Variants in ITGB3 observed in about 807,000 individuals in gnomAD.
ITGB3 encodes integrin beta-3.
A neutral mutation model predicts 85.8 loss-of-function variants in ITGB3; 48 were observed. The ratio of observed to expected loss-of-function variants is 0.56; its 90% confidence interval spans 0.44 to 0.71. ITGB3 has a LOEUF of 0.71. Ranked by LOEUF, ITGB3 falls within the 30% of genes least tolerant of loss-of-function variation. ITGB3 has a pLI of 0.00. For synonymous variants in ITGB3, 363 were observed against 395.6 expected (o/e 0.92, Z 0.98); for missense variants, 861 against 1,019.1 (o/e 0.84, Z 2.11).
At chr17:47,265,772 G>A (rs1035696198) in intron 1 of ITGB3, among the ~76,000 whole-genome samples, 6 of 152,116 alleles carry the variant, frequency 3.9e-5, no homozygotes, top group African/African-American at 9.7e-5. Flanking sequence ...GTTAAATACC[G>A]TACTTAACTG....
At chr17:47,288,370 T>C (rs1206743822) in intron 6 of ITGB3, among the ~76,000 whole-genome samples, 1 of 152,198 alleles carries the variant, frequency 6.6e-6, no homozygotes, top group Non-Finnish European at 1.5e-5. Context: ...AAACTTCTTA[T>C]AAGTTGTTTT....
At chr17:47,268,063 G>T (rs1238473160) in intron 1 of ITGB3, among the ~76,000 whole-genome samples, 1 of 152,106 alleles carries the variant, frequency 6.6e-6, no homozygotes, top group Non-Finnish European at 1.5e-5. Context: ...AGGGAGAAAA[G>T]CCCCTTATAA....
intron 1 of ITGB3, among the ~76,000 whole-genome samples, chr17:47,265,562 A>AT (rs1317473288): frequency 3.3e-5 from 5 of 152,076 alleles, no homozygotes; most frequent in Non-Finnish European, 5.9e-5. Flanking sequence ...TCCTCTTCTC[A>AT]TAAGGACATC....
rs531624254 is a variant in ITGB3, at chr17:47,287,719, G to A, written c.939+488G>A. Among the ~76,000 whole-genome samples, 7 of 152,148 alleles carry A rather than the reference G, an allele frequency of 4.6e-5. No homozygotes were observed. The South Asian group carries it at 1.2e-3, about 27-fold the overall frequency. ...AGTCCAGGAGTTTGAAACCAGCTTG[G>A]GAAATATAGTGAGACCCTGCCTCTA... is the stretch of plus-strand genomic sequence containing the variant. On this transcript the variant is annotated intron_variant, in intron 6 of 14. Coordinates refer to ENST00000559488, the MANE Select transcript of ITGB3 (RefSeq NM_000212.3).
At chr17:47,269,636 A>G (rs558407081) in intron 1 of ITGB3, among the ~76,000 whole-genome samples, 66 of 152,324 alleles carry the variant, frequency 4.3e-4, no homozygotes, top group African/African-American at 1.6e-3. Flanking sequence ...ACAAGTCTCT[A>G]GGAAGTTCCA....
intron 1 of ITGB3, among the ~76,000 whole-genome samples, chr17:47,272,991 T>G (rs2065051013): frequency 6.6e-6 from 1 of 152,068 alleles, no homozygotes; most frequent in Non-Finnish European, 1.5e-5. Context: ...GCCAGGCTGG[T>G]CTCAAACTCC....
chr17:47,299,254 A>G lies in ITGB3; in HGVS notation c.1691-54A>G. 1 of 1,523,128 alleles carries G rather than the reference A, an allele frequency of 6.6e-7. No homozygotes were observed. Among genetic ancestry groups the G allele is most frequent in the Non-Finnish European group, 9.1e-7 (1 of 1,103,702 alleles). The allele number at this position is 1,523,128 out of a possible 1,614,324, so 94.4% of individuals were successfully genotyped here. A position where few individuals can be genotyped will look rare whatever the true frequency, so the allele number is the denominator to read the frequency against. On this transcript the variant is annotated intron_variant, in intron 10 of 14. Transcript: ENST00000559488. This position sits in a 1 kb window ranked among gnomAD's most constrained non-coding sequence, Gnocchi z 5.1. The stretch of plus-strand genomic sequence containing the variant: ...GGATGGTCGTGTGTAGCCTGCTGCC[A>G]TGGGAGTGGAGCTCTCGCCAGCGGG...
intron 1 of ITGB3, among the ~76,000 whole-genome samples, chr17:47,263,003 T>TA (rs2065013664): frequency 6.6e-6 from 1 of 152,152 alleles, no homozygotes; most frequent in South Asian, 2.1e-4. Flanking sequence ...ACAGAGCAGT[T>TA]ATCACTTCTC....
intron 1 of ITGB3, among the ~76,000 whole-genome samples, chr17:47,256,928 G>T (rs1030528529): frequency 6.6e-6 from 1 of 152,124 alleles, no homozygotes; most frequent in Non-Finnish European, 1.5e-5. Context: ...TGTTGGCTTC[G>T]GAAAGGGAGG....
intron 2 of ITGB3, among the ~76,000 whole-genome samples, 159 bp from the exon 3 acceptor site, chr17:47,283,195 C>T (rs976713093): frequency 3.3e-5 from 5 of 152,020 alleles, no homozygotes; most frequent in African/African-American, 4.8e-5. Context: ...TTCTGTACAA[C>T]GGTCCTAAGG....
chr17:47,300,538 C>T lies in ITGB3; in HGVS notation c.1974C>T (p.Asn658=), dbSNP rs1418102941. 1 of 1,614,144 alleles carries T rather than the reference C, an allele frequency of 6.2e-7. No homozygotes were observed. The highest frequency in any genetic ancestry group is 8.5e-7 in the Non-Finnish European group (1 of 1,179,992). The stretch of plus-strand genomic sequence containing the variant: ...CCCTACATGACGAAAATACCTGCAA[C>T]CGTTACTGCCGTGACGAGATTGAGT... ...RGALHDENTC[N]RYCRDEIESV... Residue 658 remains asparagine, a synonymous_variant, in exon 12 of 15, where the codon AAC becomes AAT. Transcript: ENST00000559488.
At chr17:47,254,106 C>T (rs1482215294) in intron 1 of ITGB3, among the ~76,000 whole-genome samples, 166 bp downstream of exon 1, 2 of 152,168 alleles carry the variant, frequency 1.3e-5, no homozygotes, top group Non-Finnish European at 2.9e-5. Flanking sequence ...GGGGACCTTC[C>T]TGGCCCGGCG....
At chr17:47,265,259 A>G (rs550077135) in intron 1 of ITGB3, among the ~76,000 whole-genome samples, 12 of 152,336 alleles carry the variant, frequency 7.9e-5, no homozygotes, top group African/African-American at 2.9e-4. Flanking sequence ...TGCCATATAC[A>G]TGATGGAGAT....
intron 1 of ITGB3, among the ~76,000 whole-genome samples, chr17:47,273,469 T>C (rs1372207467): frequency 1.3e-5 from 2 of 152,262 alleles, no homozygotes; most frequent in Non-Finnish European, 2.9e-5. Flanking sequence ...CAGTGGCTTC[T>C]GTCTAAGCAG....
intron 2 of ITGB3, among the ~76,000 whole-genome samples, chr17:47,280,706 T>C (rs1402702618): frequency 6.6e-6 from 1 of 152,130 alleles, no homozygotes; most frequent in East Asian, 1.9e-4. Context: ...CAGTCCCTCT[T>C]CTGGCATTAT....
Position 47,299,240 on chromosome 17 carries a change from T to G in ITGB3, c.1691-68T>G. 12 of 1,427,522 alleles carry G rather than the reference T, an allele frequency of 8.4e-6. No homozygotes were observed. The highest frequency in any genetic ancestry group is 1.2e-5 in the Non-Finnish European group (12 of 1,020,146). 88.4% of individuals were successfully genotyped at this position (1,427,522 alleles called of 1,614,324 possible). ...TGGTTGGGAGAGCAGGATGGTCGTGTGTAGCCTGCTGCCATGGGAGTGGAG... is the reference window on the plus strand; with the variant it reads ...TGGTTGGGAGAGCAGGATGGTCGTGGGTAGCCTGCTGCCATGGGAGTGGAG... On this transcript the variant is annotated intron_variant, in intron 10 of 14. Coordinates refer to ENST00000559488, the MANE Select transcript of ITGB3 (RefSeq NM_000212.3). This position sits in a 1 kb window ranked among gnomAD's most constrained non-coding sequence, Gnocchi z 5.1.
chr17:47,266,573 T>A (rs1384904999), intron 1 of ITGB3, among the ~76,000 whole-genome samples: 1 of 152,162 alleles, frequency 6.6e-6, no homozygotes, highest in African/African-American at 2.4e-5. Context: ...GGATTAAAAT[T>A]GTTATTTTCA....
chr17:47,276,396 T>C (rs1296962615), intron 2 of ITGB3, among the ~76,000 whole-genome samples: 1 of 152,178 alleles, frequency 6.6e-6, no homozygotes, highest in East Asian at 1.9e-4. Flanking sequence ...GGGTGACTGT[T>C]GTGCTCCTTG....
chr17:47,296,395 G>A (rs774471589), intron 10 of ITGB3, among the ~76,000 whole-genome samples: 10 of 152,056 alleles, frequency 6.6e-5, no homozygotes, highest in African/African-American at 2.2e-4. Flanking sequence ...CATCATGCCC[G>A]GATAATTTTT....
Sources: gnomAD v4.1 joint callset for allele counts (sites outside exome capture counted in the v4.1 genomes callset) on GRCh38, gnomAD v4.1.1 for gene constraint, Gnocchi (gnomAD v3.1) non-coding constraint, MANE v1.5 for transcripts, NCBI Gene and HGNC (gene_info 2026-07-23, HGNC 2026-07-21) for gene names.